Variants in FBRSL1 observed in about 807,000 individuals in gnomAD.
FBRSL1 encodes fibrosin like 1, also known as fibrosin-1-like protein.
A neutral mutation model predicts 89.6 loss-of-function variants in FBRSL1; 51 were observed. The observed-to-expected ratio is 0.57, with a 90% confidence interval of 0.45 to 0.72. FBRSL1 has a LOEUF of 0.72. FBRSL1 is among the 30% of genes least tolerant of loss of function. The probability of loss-of-function intolerance (pLI) is 0.00; values close to 1 mark genes in which losing one functional copy is unlikely to be tolerated. For synonymous variants in FBRSL1, 779 were observed against 681.1 expected, an observed-to-expected ratio of 1.14 and a Z score of -2.24; for missense variants, 1,618 against 1,451.8, an observed-to-expected ratio of 1.11 and a Z score of -1.86.
In FBRSL1 at chr12:132,570,017, C is replaced by T. The variant is rs1223977751; in HGVS notation, c.783C>T (p.Phe261=). ...GCCGCGAGCTCAGCGCCGAGAGCTT[C>T]CTGCCCACTGCCAGCCCCGCGCCCC... ...ERSRELSAES[F]LPTASPAPHA... The change falls in exon 7 of 19, where the codon TTC becomes TTT. Residue 261 remains phenylalanine, a synonymous_variant. Coordinates refer to ENST00000680143, the MANE Select transcript of FBRSL1 (RefSeq NM_001367871.1). 6.6e-7 allele frequency: 1 copy of T among 1,513,152 alleles called. No homozygotes were observed. The highest frequency in any genetic ancestry group is 8.8e-7 in the Non-Finnish European group (1 of 1,137,510). 93.7% of individuals were successfully genotyped at this position (1,513,152 alleles called of 1,614,324 possible).
At chr12:132,541,236 C>T (rs1185144984) in intron 4 of FBRSL1, among the ~76,000 whole-genome samples, 1 of 152,166 alleles carries the variant, frequency 6.6e-6, no homozygotes, top group Non-Finnish European at 1.5e-5. Flanking sequence ...GGGGGCACAG[C>T]CCCACACCAC....
At chr12:132,580,496 G>A (rs1455766548) in intron 15 of FBRSL1, among the ~76,000 whole-genome samples, 1 of 152,186 alleles carries the variant, frequency 6.6e-6, no homozygotes, top group Non-Finnish European at 1.5e-5. Flanking sequence ...TCTGGTGGTT[G>A]AGAATATTAA....
At chr12:132,515,493 G>A (rs932723578) in intron 2 of FBRSL1, among the ~76,000 whole-genome samples, 106 of 137,628 alleles carry the variant, frequency 7.7e-4, no homozygotes, top group African/African-American at 2.7e-3. Context: ...GGGAAAAGAA[G>A]AAAGGTCTAG....
chr12:132,569,689 C>G (rs552118867), intron 6 of FBRSL1, among the ~76,000 whole-genome samples: 1 of 152,190 alleles, frequency 6.6e-6, no homozygotes, highest in Non-Finnish European at 1.5e-5. Context: ...TACCCACCCC[C>G]ACCCCTGGCC....
intron 14 of FBRSL1, among the ~76,000 whole-genome samples, chr12:132,575,990 T>G (rs549053804): frequency 2.6e-4 from 39 of 152,252 alleles, no homozygotes; most frequent in African/African-American, 8.4e-4. Context: ...GCATCCCCAG[T>G]CTCCACCCAA....
chr12:132,494,858 A>G (rs2031729938), intron 1 of FBRSL1, among the ~76,000 whole-genome samples: 1 of 152,188 alleles, frequency 6.6e-6, no homozygotes, highest in Admixed American at 6.5e-5. Context: ...GGTCTCCTCT[A>G]ACGCCTGTGC....
intron 1 of FBRSL1, among the ~76,000 whole-genome samples, chr12:132,500,001 G>A (rs924029243): frequency 4.6e-5 from 7 of 152,120 alleles, no homozygotes; most frequent in Admixed American, 2.0e-4. Context: ...AGCCCAGACA[G>A]GTGTGAAGGT....
chr12:132,563,590 C>T (rs1429139105), intron 5 of FBRSL1, among the ~76,000 whole-genome samples: 1 of 152,148 alleles, frequency 6.6e-6, no homozygotes, highest in Non-Finnish European at 1.5e-5. Context: ...CGTGTCACAT[C>T]TTTTTGTTGG....
chr12:132,550,252 C>CG (rs1555278914), intron 5 of FBRSL1, among the ~76,000 whole-genome samples: 2 of 152,114 alleles, frequency 1.3e-5, no homozygotes, highest in African/African-American at 2.4e-5. Flanking sequence ...AGAGGGGCTG[C>CG]CAGCCTTTCT....
rs2041039459 is a variant in FBRSL1, at chr12:132,585,087, T to C, written c.*1309T>C. 1 of 152,204 alleles carries C rather than the reference T, an allele frequency of 6.6e-6. No homozygotes were observed. The highest frequency in any genetic ancestry group is 2.4e-5 in the African/African-American group (1 of 41,446). The allele number at this position is 152,204 out of a possible 1,614,324, so 9.4% of individuals were successfully genotyped here. On this transcript the variant is annotated 3_prime_UTR_variant, in exon 19 of 19. Transcript: ENST00000680143. The stretch of plus-strand genomic sequence containing the variant: ...CCGTCGAGCCACTTGCTTTGCTCAG[T>C]TCTGTGTTTCAGCCACATTTCCACG...
At position 132,570,080 on chromosome 12, in the gene FBRSL1, C is replaced by T. The variant is rs1181430073; in HGVS notation, c.846C>T (p.Arg282=). Residue 282 remains arginine, a synonymous_variant, in exon 7 of 19, where the codon CGC becomes CGT. Coordinates refer to ENST00000680143, the MANE Select transcript of FBRSL1 (RefSeq NM_001367871.1). ...GCCCGGGGCCCCCGCCCGGCTCCCG[C>T]GCCAATCCCTTGGTGAAGAAGGAAC... ...APCPGPPPGS[R]ANPLVKKEPP... 1.1e-5 allele frequency: 16 copies of T among 1,488,822 alleles called. No individual in the cohort carries two copies. Among genetic ancestry groups the T allele is most frequent in the African/African-American group, 1.5e-5 (1 of 68,256 alleles). 92.2% of individuals were successfully genotyped at this position (1,488,822 alleles called of 1,614,324 possible). A position where few individuals can be genotyped will look rare whatever the true frequency, so the allele number is the denominator to read the frequency against.
At chr12:132,525,438 C>T (rs570220454) in intron 2 of FBRSL1, among the ~76,000 whole-genome samples, 40 of 152,172 alleles carry the variant, frequency 2.6e-4, no homozygotes, top group Non-Finnish European at 5.3e-4. Flanking sequence ...GTCACTGAGC[C>T]GGTGGGTCCT....
At chr12:132,492,138 C>G (rs951286098) in intron 1 of FBRSL1, among the ~76,000 whole-genome samples, 1 of 152,240 alleles carries the variant, frequency 6.6e-6, no homozygotes, top group Non-Finnish European at 1.5e-5. Context: ...GGCTCCTGCA[C>G]TGCAGCTGAG....
intron 9 of FBRSL1, 192 bp downstream of exon 9, chr12:132,571,423 C>T (rs1339120761): frequency 1.3e-6 from 2 of 1,550,692 alleles, no homozygotes; most frequent in African/African-American, 2.7e-5. Flanking sequence ...TCAGCACCAG[C>T]ACACACACCA....
chr12:132,517,873 G>A (rs571736312), intron 2 of FBRSL1, among the ~76,000 whole-genome samples: 235 of 152,234 alleles, frequency 1.5e-3, no homozygotes, highest in African/African-American at 5.5e-3. Context: ...TGCTGCAGCC[G>A]TTCAGGAGGG....
Position 132,509,088 on chromosome 12 carries a change from T to A in FBRSL1, c.489+738T>A, listed in dbSNP as rs1010904335. On this transcript the variant is annotated intron_variant, in intron 2 of 18. Coordinates refer to ENST00000680143, the MANE Select transcript of FBRSL1 (RefSeq NM_001367871.1). Reference sequence around the variant, plus strand: ...GGCTGCTGGAGAAGGGCAGCATGCCTCCTGGGCCCGGGCTGGACGGGGGTT... The same window carrying A: ...GGCTGCTGGAGAAGGGCAGCATGCCACCTGGGCCCGGGCTGGACGGGGGTT... The A allele has an allele frequency of 2.5e-5, 30 of 1,196,066 alleles. No individual in the cohort carries two copies. In the Admixed American group the frequency reaches 1.3e-3, roughly 50 times the overall value. The allele number at this position is 1,196,066 out of a possible 1,614,324, so 74.1% of individuals were successfully genotyped here.
intron 1 of FBRSL1, among the ~76,000 whole-genome samples, chr12:132,493,378 G>A (rs1373448971): frequency 2.0e-5 from 3 of 152,204 alleles, no homozygotes; most frequent in Non-Finnish European, 2.9e-5. Context: ...TTGTGCCCGC[G>A]GGACACTGCA....
chr12:132,510,435 C>T (rs1454006279), intron 2 of FBRSL1: 3 of 1,232,006 alleles, frequency 2.4e-6, no homozygotes, highest in East Asian at 3.2e-5. Flanking sequence ...ATCTGTGAGC[C>T]CTGGAGCCTG....
chr12:132,495,812 T>C (rs943605991), intron 1 of FBRSL1, among the ~76,000 whole-genome samples: 4 of 152,202 alleles, frequency 2.6e-5, no homozygotes, highest in African/African-American at 9.7e-5. Context: ...GTCCAGGCCC[T>C]GTCTGGGGGC....
Sources: allele counts gnomAD v4.1 joint callset (sites outside exome capture counted in the v4.1 genomes callset), GRCh38; gene constraint gnomAD v4.1.1; transcripts MANE v1.5; gene names NCBI Gene and HGNC (gene_info 2026-07-23, HGNC 2026-07-21).